CLASP1: variants seen among roughly 807,000 people sequenced by gnomAD.
The protein encoded by CLASP1 is cytoplasmic linker associated protein 1, also known as CLIP-associating protein 1.
A neutral mutation model predicts 192.3 loss-of-function variants in CLASP1; 38 were observed. That is an observed-to-expected ratio of 0.20 (90% CI 0.15 to 0.26). The LOEUF (loss-of-function observed/expected upper bound fraction) is 0.26. Ranked by LOEUF, CLASP1 falls within the 10% of genes least tolerant of loss-of-function variation. CLASP1 has a pLI of 1.00. For synonymous variants in CLASP1, 691 were observed against 712.8 expected (o/e 0.97, Z 0.49); for missense variants, 1,433 against 1,932.5 (o/e 0.74, Z 4.85).
chr2:121,545,508 AC>A, intron 2 of CLASP1, among the ~76,000 whole-genome samples: 1 of 151,924 alleles, frequency 6.6e-6, no homozygotes, highest in South Asian at 2.1e-4. Flanking sequence ...GCCCCCTCCT[AC>A]CCCATTTCTT....
In CLASP1 at chr2:121,632,984, GTGTA is replaced by G. The variant is rs1402070532; in HGVS notation, c.-286+16384_-286+16387del. 2.9e-5 allele frequency among the ~76,000 whole-genome samples: 4 copies of G among 136,748 alleles called. No homozygotes were observed. In the East Asian group the frequency reaches 9.5e-4, roughly 33 times the overall value. 89.7% of individuals were successfully genotyped at this position (136,748 alleles called of 152,430 possible). ...GAGGGAGGTGTGTGTGTGTGTGTGTGTGTATATATATGTATGTGTGTGCATATAT... is the reference window on the plus strand; with the variant it reads ...GAGGGAGGTGTGTGTGTGTGTGTGTGTATATATGTATGTGTGTGCATATAT... On this transcript the variant is annotated intron_variant, in intron 1 of 39. Transcript: ENST00000263710.
At chr2:121,560,656 C>A (rs543349042) in intron 2 of CLASP1, among the ~76,000 whole-genome samples, 9 of 152,190 alleles carry the variant, frequency 5.9e-5, no homozygotes, top group Non-Finnish European at 1.3e-4. Context: ...ACATCAGTAC[C>A]AGGCATTTCA....
At chr2:121,424,025 C>T (rs536696332) in intron 22 of CLASP1, among the ~76,000 whole-genome samples, 1 of 152,304 alleles carries the variant, frequency 6.6e-6, no homozygotes, top group Admixed American at 6.5e-5. Flanking sequence ...GCAGATGCTT[C>T]TCTCTCCTCT....
Position 121,488,082 on chromosome 2 carries a change from C to T in CLASP1, c.712+15085G>A, listed in dbSNP as rs752539052. Reference sequence around the variant, plus strand: ...GCGAGATACACTGGCTCACCTTGCTCCAGCCCTAAACTCAGCCATTTCCCC... The same window carrying T: ...GCGAGATACACTGGCTCACCTTGCTTCAGCCCTAAACTCAGCCATTTCCCC... On this transcript the variant is annotated intron_variant, in intron 8 of 39. Transcript: ENST00000263710. Among the ~76,000 whole-genome samples the T allele has an allele frequency of 5.9e-4, 90 of 152,306 alleles. 1 individual carries two copies. Among genetic ancestry groups the T allele is most frequent in the Middle Eastern group, 3.4e-3 (1 of 294 alleles).
intron 1 of CLASP1, among the ~76,000 whole-genome samples, chr2:121,642,263 CA>C (rs1348692117): frequency 1.3e-5 from 2 of 150,066 alleles, no homozygotes; most frequent in Non-Finnish European, 3.0e-5. Flanking sequence ...ACAAAAAATA[CA>C]AAAATTAGCA....
chr2:121,592,702 A>G (rs571446048), intron 2 of CLASP1, among the ~76,000 whole-genome samples: 6 of 152,216 alleles, frequency 3.9e-5, no homozygotes, highest in African/African-American at 1.4e-4. Context: ...CCCAGGCTGT[A>G]GTGCAGTGGC....
intron 8 of CLASP1, among the ~76,000 whole-genome samples, chr2:121,485,903 G>A (rs988643365): frequency 1.2e-4 from 18 of 152,226 alleles, no homozygotes; most frequent in Admixed American, 1.2e-3. Context: ...TTCTCACAAA[G>A]CTGATCATAA....
chr2:121,635,484 T>C (rs1186603348), intron 1 of CLASP1, among the ~76,000 whole-genome samples: 3 of 152,166 alleles, frequency 2.0e-5, no homozygotes, highest in East Asian at 1.9e-4. Flanking sequence ...AGTCAAAATT[T>C]ACTGGAAAAC....
intron 2 of CLASP1, among the ~76,000 whole-genome samples, chr2:121,556,905 C>T (rs1045712434): frequency 6.6e-6 from 1 of 152,200 alleles, no homozygotes; most frequent in Non-Finnish European, 1.5e-5. Flanking sequence ...ACCATGCAAA[C>T]AGCAGTACCT....
chr2:121,498,687 A>G (rs1212037572), intron 8 of CLASP1, among the ~76,000 whole-genome samples: 1 of 152,246 alleles, frequency 6.6e-6, no homozygotes, highest in Non-Finnish European at 1.5e-5. Context: ...GGTATGTAGC[A>G]CATCTAAAGA....
chr2:121,433,103 C>T lies in CLASP1; in HGVS notation c.1913-2926G>A, dbSNP rs2081721924. Among the ~76,000 whole-genome samples the T allele has an allele frequency of 2.6e-5, 4 of 152,206 alleles. No homozygotes were observed. The South Asian group carries it at 8.3e-4, about 32-fold the overall frequency. ...TTAGGAGGCCAAGGTGAGCGGATCA[C>T]CTGAGGTCAGGAGCTCGAGACTAGC... On this transcript the variant is annotated intron_variant, in intron 19 of 39. Coordinates refer to ENST00000263710, the Ensembl canonical transcript of CLASP1.
intron 2 of CLASP1, among the ~76,000 whole-genome samples, chr2:121,591,118 G>A (rs1158135578): frequency 1.3e-5 from 2 of 151,944 alleles, no homozygotes; most frequent in South Asian, 4.1e-4. Context: ...CGCCCGCTTC[G>A]GCCTCCCAAA....
In CLASP1 at chr2:121,407,476, T is replaced by C. The variant is rs2077092501; in HGVS notation, c.2664A>G (p.Thr888=). The C allele has an allele frequency of 5.0e-6, 8 of 1,613,966 alleles. No homozygotes were observed. The East Asian group carries it at 1.6e-4, about 31-fold the overall frequency. The change falls in exon 25 of 40, where the codon ACA becomes ACG. Residue 888 remains threonine, a synonymous_variant. Transcript: ENST00000263710. ...ATTCTTGCTGTGGTCCTCACCTCAG[T>C]GTTCTTTGGCTCTTCAGTAAGTTCT...
intron 21 of CLASP1, 55 bp downstream of exon 21, chr2:121,427,349 G>A: frequency 1.3e-6 from 2 of 1,594,164 alleles, no homozygotes; most frequent in African/African-American, 1.3e-5. Flanking sequence ...CATGGGGTCG[G>A]GGAGAATGCC....
intron 2 of CLASP1, among the ~76,000 whole-genome samples, chr2:121,561,728 A>G (rs1442211352): frequency 1.3e-5 from 2 of 152,250 alleles, no homozygotes; most frequent in Admixed American, 6.5e-5. Context: ...AGATAAGGGC[A>G]AGTGAGTCAG....
intron 5 of CLASP1, among the ~76,000 whole-genome samples, chr2:121,526,304 C>T (rs550614399): frequency 6.6e-6 from 1 of 152,310 alleles, no homozygotes; most frequent in African/African-American, 2.4e-5. Context: ...TTAATTCTCC[C>T]GTGTGCTGTG....
chr2:121,477,563 C>T (rs1274073541), intron 8 of CLASP1, among the ~76,000 whole-genome samples: 1 of 152,170 alleles, frequency 6.6e-6, no homozygotes, highest in East Asian at 1.9e-4. Flanking sequence ...TATTTCTAGA[C>T]TTTAATGCAT....
chr2:121,367,152 G>C, intron 35 of CLASP1, among the ~76,000 whole-genome samples: 1 of 152,214 alleles, frequency 6.6e-6, no homozygotes, highest in East Asian at 1.9e-4. Flanking sequence ...TCAGAGCAGT[G>C]CTTCAGGATC....
At chr2:121,494,173 C>T (rs189665906) in intron 8 of CLASP1, among the ~76,000 whole-genome samples, 61 of 152,274 alleles carry the variant, frequency 4.0e-4, no homozygotes, top group African/African-American at 1.4e-3. Context: ...GCACTGTTCA[C>T]AATAGCCAAG....
Sources: allele counts gnomAD v4.1 joint callset (sites outside exome capture counted in the v4.1 genomes callset), GRCh38; gene constraint gnomAD v4.1.1; transcripts MANE v1.5; gene names NCBI Gene and HGNC (gene_info 2026-07-23, HGNC 2026-07-21).